The following ACER3 variants were observed in gnomAD, a reference collection of about 807,000 sequenced individuals.
The protein encoded by ACER3 is alkCDase 3.
ACER3 carries 16 observed loss-of-function variants against 48.9 expected under a neutral mutation model. The observed-to-expected ratio is 0.33, with a 90% CI of 0.22 to 0.50. The LOEUF (loss-of-function observed/expected upper bound fraction) is 0.50. Among genes scored for constraint, ACER3 ranks in the 20% least tolerant of loss-of-function variants. ACER3 has a pLI of 0.98. For synonymous variants in ACER3, 109 were observed against 107.8 expected, an observed-to-expected ratio of 1.01 and a Z score of -0.07; for missense variants, 227 against 326.0, an observed-to-expected ratio of 0.70 and a Z score of 2.34.
chr11:76,895,094 G>A (rs188309762), intron 1 of ACER3, among the ~76,000 whole-genome samples: 1 of 152,114 alleles, frequency 6.6e-6, no homozygotes, highest in Admixed American at 6.5e-5. Context: ...GTGGAGAAAG[G>A]ATTCAATTTA....
chr11:76,882,343 G>C (rs1055856916), intron 1 of ACER3, among the ~76,000 whole-genome samples: 19 of 152,066 alleles, frequency 1.2e-4, no homozygotes, highest in African/African-American at 3.4e-4. Flanking sequence ...TACATGTTGG[G>C]TAGTTTTGAT....
chr11:76,861,185 G>C lies in ACER3; in HGVS notation c.103+106G>C. 6.0e-6 allele frequency: 7 copies of C among 1,160,622 alleles called. No individual in the cohort carries two copies. The South Asian group carries it at 9.2e-5, about 15-fold the overall frequency. The allele number at this position is 1,160,622 out of a possible 1,614,324, so 71.9% of individuals were successfully genotyped here. On this transcript the variant is annotated intron_variant, in intron 1 of 10. Coordinates refer to ENST00000532485, the MANE Select transcript of ACER3 (RefSeq NM_018367.7). Reference sequence around the variant, plus strand: ...ACCTGGCCGCGAAGGGAGGTGCCAGGCCTGGCCCCGGGAGCTGGAATGCGG... The same window carrying C: ...ACCTGGCCGCGAAGGGAGGTGCCAGCCCTGGCCCCGGGAGCTGGAATGCGG...
At chr11:76,971,519 C>G (rs543623065) in intron 3 of ACER3, among the ~76,000 whole-genome samples, 71 of 150,858 alleles carry the variant, frequency 4.7e-4, no homozygotes, top group African/African-American at 1.5e-3. Flanking sequence ...CTCCTGGTGA[C>G]AGAGTGAGAC....
chr11:76,994,160 C>G (rs1948865231), intron 6 of ACER3: 1 of 446,070 alleles, frequency 2.2e-6, no homozygotes, highest in African/African-American at 2.1e-5. Context: ...GATAAGGAGT[C>G]TCACTCTGTC....
At chr11:76,950,621 CAAGCT>C (rs1257113713) in intron 2 of ACER3, among the ~76,000 whole-genome samples, 1 of 151,048 alleles carries the variant, frequency 6.6e-6, no homozygotes, top group African/African-American at 2.4e-5. Flanking sequence ...ACCACCATAC[CAAGCT>C]AATTTTTTAC....
At chr11:76,931,038 T>C (rs1946987306) in intron 2 of ACER3, among the ~76,000 whole-genome samples, 1 of 144,512 alleles carries the variant, frequency 6.9e-6, no homozygotes, top group Admixed American at 6.9e-5. Flanking sequence ...TTCTGTCTCG[T>C]TGATCTGTCT....
chr11:77,021,318 C>T lies in ACER3; in HGVS notation c.*991C>T, dbSNP rs1555024436. 1 of 152,160 alleles carries T rather than the reference C, an allele frequency of 6.6e-6. No homozygotes were observed. The highest frequency in any genetic ancestry group is 1.9e-4 in the East Asian group (1 of 5,200). The allele number at this position is 152,160 out of a possible 1,614,324, so 9.4% of individuals were successfully genotyped here. The stretch of plus-strand genomic sequence containing the variant: ...GCTAAAATTATCAGAATCCTATTTA[C>T]ATAAAGCATATTAAAATATCTGCTC... On this transcript the variant is annotated 3_prime_UTR_variant, in exon 11 of 11. Coordinates refer to ENST00000532485, the MANE Select transcript of ACER3 (RefSeq NM_018367.7).
intron 10 of ACER3, among the ~76,000 whole-genome samples, 194 bp from the exon 11 acceptor site, chr11:77,020,080 A>G (rs1216140660): frequency 6.6e-6 from 1 of 152,160 alleles, no homozygotes; most frequent in Non-Finnish European, 1.5e-5. Flanking sequence ...ATGTAAATAA[A>G]CTCAATAAAA....
At chr11:76,877,513 CT>C (rs920002698) in intron 1 of ACER3, among the ~76,000 whole-genome samples, 20 of 151,558 alleles carry the variant, frequency 1.3e-4, no homozygotes, top group East Asian at 3.9e-4. Context: ...GCAATTTTTC[CT>C]TTTTTTCCCC....
chr11:76,950,606 C>T (rs1325528070), intron 2 of ACER3, among the ~76,000 whole-genome samples: 2 of 150,988 alleles, frequency 1.3e-5, no homozygotes, highest in Non-Finnish European at 1.5e-5. Context: ...GGACCATAGG[C>T]GTGCACCACC....
At chr11:76,895,893 A>G (rs1207841061) in intron 1 of ACER3, among the ~76,000 whole-genome samples, 1 of 152,220 alleles carries the variant, frequency 6.6e-6, no homozygotes, top group Non-Finnish European at 1.5e-5. Flanking sequence ...ATAATAGAAT[A>G]CTATATAGCC....
At chr11:76,891,863 T>G (rs1172153260) in intron 1 of ACER3, among the ~76,000 whole-genome samples, 1 of 152,150 alleles carries the variant, frequency 6.6e-6, no homozygotes, top group Non-Finnish European at 1.5e-5. Context: ...GCACATCGAG[T>G]GTTGTTTTGT....
At chr11:76,900,622 C>A (rs1000699594) in intron 1 of ACER3, among the ~76,000 whole-genome samples, 1 of 152,082 alleles carries the variant, frequency 6.6e-6, no homozygotes, top group Admixed American at 6.6e-5. Context: ...AAGTTTAAGA[C>A]CAGCCTGGAC....
At chr11:77,016,106 C>T (rs1481712598) in intron 8 of ACER3, among the ~76,000 whole-genome samples, 23 of 17,196 alleles carry the variant, frequency 1.3e-3, no homozygotes, top group African/African-American at 4.7e-3. Context: ...GACTCCGTCT[C>T]AGGGAAAAAA....
intron 3 of ACER3, among the ~76,000 whole-genome samples, chr11:76,967,153 A>G (rs1483877182): frequency 1.3e-5 from 2 of 152,178 alleles, no homozygotes; most frequent in Non-Finnish European, 2.9e-5. Context: ...AGAAATACAA[A>G]CTACCATCAG....
At position 76,976,300 on chromosome 11, in the gene ACER3, A is replaced by G; in HGVS notation, c.279A>G (p.Glu93=). The stretch of plus-strand genomic sequence containing the variant: ...TTTGTTTCTTACAGCTATTGGATGA[A>G]CTCCCAATGATATACAGCTGTTGCA... ...TLKYEMQLLD[E]LPMIYSCCIF... Residue 93 remains glutamate, a synonymous_variant, in exon 4 of 11, where the codon GAA becomes GAG. Transcript: ENST00000532485. The G allele has an allele frequency of 6.2e-7, 1 of 1,605,440 alleles. No homozygotes were observed. The highest frequency in any genetic ancestry group is 1.7e-5 in the Admixed American group (1 of 59,366).
chr11:76,882,732 T>G (rs1945560258), intron 1 of ACER3, among the ~76,000 whole-genome samples: 1 of 152,228 alleles, frequency 6.6e-6, no homozygotes, highest in Non-Finnish European at 1.5e-5. Flanking sequence ...TTGTGGAGAT[T>G]CAGGTATCTT....
At chr11:76,916,617 C>T (rs1185069115) in intron 1 of ACER3, among the ~76,000 whole-genome samples, 3 of 152,032 alleles carry the variant, frequency 2.0e-5, no homozygotes, top group African/African-American at 7.3e-5. Flanking sequence ...GATTTGGGCC[C>T]TTAAAGAAGT....
chr11:76,931,868 A>G (rs1947007192), intron 2 of ACER3, among the ~76,000 whole-genome samples: 1 of 151,788 alleles, frequency 6.6e-6, no homozygotes, highest in African/African-American at 2.4e-5. Flanking sequence ...TTTGTGGGTA[A>G]CCCATCCTTT....
Sources: gnomAD v4.1 joint callset for allele counts (sites outside exome capture counted in the v4.1 genomes callset) on GRCh38, gnomAD v4.1.1 for gene constraint, MANE v1.5 for transcripts, NCBI Gene and HGNC (gene_info 2026-07-23, HGNC 2026-07-21) for gene names.